PLEKHA3: variants seen among roughly 807,000 people sequenced by gnomAD.
The protein encoded by PLEKHA3 is pleckstrin homology domain containing A3, also known as pleckstrin homology domain-containing family A member 3.
PLEKHA3 carries 19 observed loss-of-function variants against 39.2 expected under a neutral mutation model. That is an observed-to-expected ratio of 0.48 (90% CI 0.34 to 0.71). PLEKHA3 has a LOEUF of 0.71. Among genes scored for constraint, PLEKHA3 ranks in the 30% least tolerant of loss-of-function variants. The probability of loss-of-function intolerance (pLI) is 0.01; values close to 1 mark genes in which losing one functional copy is unlikely to be tolerated. For synonymous variants in PLEKHA3, 97 were observed against 118.6 expected (o/e 0.82, Z 1.18); for missense variants, 253 against 359.5 (o/e 0.70, Z 2.40).
intron 2 of PLEKHA3, among the ~76,000 whole-genome samples, chr2:178,488,392 T>G (rs1210311227): frequency 6.6e-6 from 1 of 152,260 alleles, no homozygotes; most frequent in Non-Finnish European, 1.5e-5. Context: ...GAAGACATCT[T>G]CTGTGTTACT....
intron 6 of PLEKHA3, 108 bp downstream of exon 6, chr2:178,499,362 G>A (rs1208217785): frequency 5.6e-6 from 6 of 1,070,910 alleles, no homozygotes; most frequent in African/African-American, 1.6e-5. Flanking sequence ...TATGGGTTAG[G>A]TCTGGTTCAA....
chr2:178,490,637 T>G, intron 2 of PLEKHA3, 22 bp from the exon 3 acceptor site: 3 of 1,605,906 alleles, frequency 1.9e-6, no homozygotes, highest in Non-Finnish European at 2.6e-6. Flanking sequence ...TAACTGTATT[T>G]CCCCTTTGTT....
intron 2 of PLEKHA3, among the ~76,000 whole-genome samples, chr2:178,486,776 A>G (rs907337514): frequency 6.6e-6 from 1 of 152,162 alleles, no homozygotes; most frequent in African/African-American, 2.4e-5. Flanking sequence ...CTAGTACTGA[A>G]GGATTTTTGG....
chr2:178,488,671 T>C (rs1348545452), intron 2 of PLEKHA3, among the ~76,000 whole-genome samples: 1 of 152,242 alleles, frequency 6.6e-6, no homozygotes, highest in Non-Finnish European at 1.5e-5. Context: ...CTCCTAACTT[T>C]AGTTCTTTTT....
intron 2 of PLEKHA3, among the ~76,000 whole-genome samples, chr2:178,489,745 C>T (rs188689849): frequency 3.3e-5 from 5 of 152,198 alleles, no homozygotes; most frequent in African/African-American, 9.6e-5. Context: ...TAAGCTTCTT[C>T]TCATTCATTT....
At position 178,509,636 on chromosome 2, in the gene PLEKHA3, C is replaced by T. The variant is rs555770274; in HGVS notation, c.*5749C>T. The T allele has an allele frequency of 6.6e-6, 1 of 152,236 alleles. No individual in the cohort carries two copies. Among genetic ancestry groups the T allele is most frequent in the South Asian group, 2.1e-4 (1 of 4,804 alleles). The allele number at this position is 152,236 out of a possible 1,614,324, so 9.4% of individuals were successfully genotyped here. The stretch of plus-strand genomic sequence containing the variant: ...AGGACTACAGGCATGCACCACTACT[C>T]CTGGCTAATTTTTGTATTTTTTTGT... On this transcript the variant is annotated 3_prime_UTR_variant, in exon 8 of 8. Coordinates refer to ENST00000234453, the MANE Select transcript of PLEKHA3 (RefSeq NM_019091.4).
Position 178,503,792 on chromosome 2 carries a change from G to C in PLEKHA3, c.808G>C (p.Gly270Arg). The C allele has an allele frequency of 6.2e-7, 1 of 1,611,816 alleles. No homozygotes were observed. The highest frequency in any genetic ancestry group is 8.5e-7 in the Non-Finnish European group (1 of 1,178,280). ...TCACTGTTCAAAAAATACACTTAAT[G>C]GAGATTTGGCATCAGCAACCATTCC... The part of the protein sequence containing the change: ...PVHCSKNTLN[G>R]DLASATIPEE... The change falls in exon 8 of 8, where the codon GGA becomes CGA. Residue 270 changes from glycine to arginine, a missense_variant. This residue lies in a region of PLEKHA3 where 127 missense variants were observed against 136.8 expected (regional missense o/e 0.93). Coordinates refer to ENST00000234453, the MANE Select transcript of PLEKHA3 (RefSeq NM_019091.4).
intron 1 of PLEKHA3, among the ~76,000 whole-genome samples, chr2:178,482,540 G>C (rs746558040): frequency 1.4e-5 from 2 of 139,232 alleles, no homozygotes; most frequent in Non-Finnish European, 3.0e-5. Flanking sequence ...CTAACAGAGC[G>C]AGATCCTGTC....
intron 1 of PLEKHA3, among the ~76,000 whole-genome samples, chr2:178,481,311 ATTTAAT>A (rs1231302505): frequency 1.3e-5 from 2 of 152,206 alleles, no homozygotes; most frequent in Admixed American, 6.5e-5. Flanking sequence ...CAACTACAAG[ATTTAAT>A]TTTAATTCTT....
intron 1 of PLEKHA3, among the ~76,000 whole-genome samples, chr2:178,482,552 CAA>C (rs557529546): frequency 2.3e-3 from 205 of 89,358 alleles, no homozygotes; most frequent in African/African-American, 5.0e-3. Flanking sequence ...GATCCTGTCT[CAA>C]AAAAAAAAAA....
rs1685632345 is a variant in PLEKHA3, at chr2:178,508,072, TG to T, written c.*4186del. 1.3e-5 allele frequency: 2 copies of T among 153,252 alleles called. No homozygotes were observed. Among genetic ancestry groups the T allele is most frequent in the African/African-American group, 4.8e-5 (2 of 41,278 alleles). 9.5% of individuals were successfully genotyped at this position (153,252 alleles called of 1,614,324 possible). On this transcript the variant is annotated 3_prime_UTR_variant, in exon 8 of 8. Coordinates refer to ENST00000234453, the MANE Select transcript of PLEKHA3 (RefSeq NM_019091.4). ...CTGGGTGTGTGTGTGTGTGTGTGTG[TG>T]TGTGTGTGTGTGTGTGATCTTTTTG...
chr2:178,512,324 C>T lies in PLEKHA3; in HGVS notation c.*8437C>T, dbSNP rs1685701082. ...AAATTAATGTAAAGGGATATTAATGCATTAAGCAATTTTTTTTGACATAAA... is the reference window on the plus strand; with the variant it reads ...AAATTAATGTAAAGGGATATTAATGTATTAAGCAATTTTTTTTGACATAAA... On this transcript the variant is annotated 3_prime_UTR_variant, in exon 8 of 8. Transcript: ENST00000234453. The T allele has an allele frequency of 6.6e-6, 1 of 152,072 alleles. No homozygotes were observed. Among genetic ancestry groups the T allele is most frequent in the African/African-American group, 2.4e-5 (1 of 41,392 alleles). The allele number at this position is 152,072 out of a possible 1,614,324, so 9.4% of individuals were successfully genotyped here.
At chr2:178,489,298 T>TA (rs1685305828) in intron 2 of PLEKHA3, among the ~76,000 whole-genome samples, 3 of 152,340 alleles carry the variant, frequency 2.0e-5, no homozygotes, top group Admixed American at 1.3e-4. Flanking sequence ...CTGTGGCACT[T>TA]ACTTGCCATA....
In PLEKHA3 at chr2:178,511,505, C is replaced by T. The variant is rs1685684823; in HGVS notation, c.*7618C>T. 1.3e-5 allele frequency: 2 copies of T among 152,096 alleles called. No individual in the cohort carries two copies. Among genetic ancestry groups the T allele is most frequent in the African/African-American group, 4.8e-5 (2 of 41,400 alleles). The allele number at this position is 152,096 out of a possible 1,614,324, so 9.4% of individuals were successfully genotyped here. A position where few individuals can be genotyped will look rare whatever the true frequency, so the allele number is the denominator to read the frequency against. ...TCTCGTGACTCAACATCCCAAATAG[C>T]TGGGACTGTAGGCACGCACCACCAT... On this transcript the variant is annotated 3_prime_UTR_variant, in exon 8 of 8. Coordinates refer to ENST00000234453, the MANE Select transcript of PLEKHA3 (RefSeq NM_019091.4).
chr2:178,502,097 T>A (rs1685536163), intron 7 of PLEKHA3, among the ~76,000 whole-genome samples: 2 of 152,026 alleles, frequency 1.3e-5, no homozygotes, highest in Admixed American at 6.6e-5. Flanking sequence ...TTCTAGCATT[T>A]GAGTGTATTG....
chr2:178,483,245 C>T (rs532197179), intron 1 of PLEKHA3, among the ~76,000 whole-genome samples: 4 of 149,760 alleles, frequency 2.7e-5, no homozygotes, highest in South Asian at 4.2e-4. Context: ...GGCGACAGAG[C>T]GAGACTCTAT....
At chr2:178,493,163 T>G (rs1240506934) in intron 3 of PLEKHA3, among the ~76,000 whole-genome samples, 1 of 152,222 alleles carries the variant, frequency 6.6e-6, no homozygotes, top group Non-Finnish European at 1.5e-5. Flanking sequence ...TAAAAGGTAT[T>G]GGCTTGTGAG....
rs758983879 is a variant in PLEKHA3, at chr2:178,516,369, A to G, written c.*12482A>G. On this transcript the variant is annotated 3_prime_UTR_variant, in exon 8 of 8. Coordinates refer to ENST00000234453, the MANE Select transcript of PLEKHA3 (RefSeq NM_019091.4). The stretch of plus-strand genomic sequence containing the variant: ...AGTATTTTTTTCTTTTCCAAATTCC[A>G]AAAGGTGTATACTCTATATTTTTGT... The G allele has an allele frequency of 8.5e-5, 13 of 152,296 alleles. No individual in the cohort carries two copies. Among genetic ancestry groups the G allele is most frequent in the Admixed American group, 4.6e-4 (7 of 15,298 alleles). The allele number at this position is 152,296 out of a possible 1,614,324, so 9.4% of individuals were successfully genotyped here.
intron 5 of PLEKHA3, among the ~76,000 whole-genome samples, chr2:178,498,564 A>C (rs1685482525): frequency 6.6e-6 from 1 of 152,146 alleles, no homozygotes; most frequent in South Asian, 2.1e-4. Flanking sequence ...GAGTAGTTGG[A>C]TCTTCCAAAT....
Sources: gnomAD v4.1 joint callset for allele counts (sites outside exome capture counted in the v4.1 genomes callset) on GRCh38, gnomAD v4.1.1 for gene constraint, gnomAD v4.1.1 regional missense constraint, MANE v1.5 for transcripts, NCBI Gene and HGNC (gene_info 2026-07-23, HGNC 2026-07-21) for gene names.